Variants in MYOM1 observed in about 807,000 individuals in gnomAD.
MYOM1 encodes myomesin 1.
MYOM1 carries 164 observed loss-of-function variants against 205.3 expected under a neutral mutation model. The ratio of observed to expected loss-of-function variants is 0.80; its 90% confidence interval spans 0.70 to 0.91. MYOM1 has a LOEUF of 0.91. Ranked by LOEUF, MYOM1 falls within the 40% of genes least tolerant of loss-of-function variation. MYOM1 has a pLI of 0.00. For synonymous variants in MYOM1, 772 were observed against 789.4 expected (o/e 0.98, Z 0.37); for missense variants, 2,011 against 2,127.3 (o/e 0.95, Z 1.08).
At chr18:3,071,741 G>A (rs2078960655) in intron 37 of MYOM1, 93 bp downstream of exon 37, 6 of 1,249,946 alleles carry the variant, frequency 4.8e-6, no homozygotes, top group Middle Eastern at 1.9e-4. Context: ...GTGGTGGGCT[G>A]TTAAGTGTGC....
chr18:3,140,793 T>A (rs1180726524), intron 14 of MYOM1, among the ~76,000 whole-genome samples: 1 of 152,166 alleles, frequency 6.6e-6, no homozygotes, highest in Non-Finnish European at 1.5e-5. Context: ...CTGAACACCA[T>A]ATTTTTATAA....
the MYOM1 span, among the ~76,000 whole-genome samples, chr18:3,225,700 C>A: frequency 6.6e-6 from 1 of 152,184 alleles, no homozygotes; most frequent in African/African-American, 2.4e-5. Context: ...TCCAGCTGAG[C>A]CTTAGCCACA....
At chr18:3,213,977 C>A (rs1429572937) in intron 2 of MYOM1, among the ~76,000 whole-genome samples, 3 of 152,120 alleles carry the variant, frequency 2.0e-5, no homozygotes, top group South Asian at 4.1e-4. Flanking sequence ...CTAAAATAAC[C>A]TTTTTTCCTC....
chr18:3,213,602 TG>T (rs138777443), intron 2 of MYOM1, among the ~76,000 whole-genome samples: 3,870 of 152,250 alleles, frequency 0.025, 131 homozygotes, highest in African/African-American at 0.081. Context: ...AACTGCAAAG[TG>T]AACAGGAAAT....
chr18:3,103,882 C>T (rs1004982783), intron 22 of MYOM1, among the ~76,000 whole-genome samples: 1 of 152,176 alleles, frequency 6.6e-6, no homozygotes, highest in Non-Finnish European at 1.5e-5. Context: ...GTGTATGCTT[C>T]AACTATAAAC....
rs1193360658 is a variant in MYOM1, at chr18:3,209,950, G to A, written c.290+4984C>T. Among the ~76,000 whole-genome samples, 4 of 152,268 alleles carry A rather than the reference G, an allele frequency of 2.6e-5. No individual in the cohort carries two copies. Among genetic ancestry groups the A allele is most frequent in the East Asian group, 3.9e-4 (2 of 5,188 alleles). On this transcript the variant is annotated intron_variant, in intron 2 of 37. Transcript: ENST00000356443. The surrounding 1 kb of genome is among the most constrained non-coding windows in gnomAD (Gnocchi z 4.0). ...CCAAGCACCTAGAGCAGTGCTTAGC[G>A]CTCAGTAAATATTTATTGAATGAAT...
chr18:3,086,209 T>A, intron 29 of MYOM1, 58 bp from the exon 30 acceptor site: 1 of 1,052,552 alleles, frequency 9.5e-7, no homozygotes, highest in Non-Finnish European at 1.4e-6. Context: ...CTTGTGAAGT[T>A]GAATAGTTCT....
At chr18:3,138,765 T>C (rs1436877581) in intron 14 of MYOM1, among the ~76,000 whole-genome samples, 3 of 152,316 alleles carry the variant, frequency 2.0e-5, no homozygotes, top group African/African-American at 4.8e-5. Context: ...CTCTCAACTA[T>C]GCCATGGAGT....
At chr18:3,118,386 T>C (rs939884318) in intron 20 of MYOM1, among the ~76,000 whole-genome samples, 2 of 152,074 alleles carry the variant, frequency 1.3e-5, no homozygotes, top group Non-Finnish European at 2.9e-5. Context: ...CTCACTCTTA[T>C]CCAGGCTGGA....
chr18:3,077,977 G>A (rs900772127), intron 34 of MYOM1, among the ~76,000 whole-genome samples: 3 of 152,132 alleles, frequency 2.0e-5, no homozygotes, highest in Non-Finnish European at 2.9e-5. Flanking sequence ...GCTGAAGGGC[G>A]ACGCTCTAAG....
intron 34 of MYOM1, among the ~76,000 whole-genome samples, chr18:3,076,595 A>G (rs1165815516): frequency 6.6e-6 from 1 of 152,190 alleles, no homozygotes; most frequent in Non-Finnish European, 1.5e-5. Context: ...AATGTTTCTT[A>G]TGCCATGATG....
At chr18:3,222,471 AATG>A (rs2081336237), upstream of MYOM1, among the ~76,000 whole-genome samples, 1 of 152,204 alleles carries the variant, frequency 6.6e-6, no homozygotes, top group African/African-American at 2.4e-5. Flanking sequence ...TCAATGAATC[AATG>A]ATAATATTTT....
intron 6 of MYOM1, among the ~76,000 whole-genome samples, chr18:3,175,056 T>C (rs1166361305): frequency 2.0e-5 from 3 of 152,228 alleles, no homozygotes; most frequent in Admixed American, 2.0e-4. Flanking sequence ...ATTTTTTTTC[T>C]TGCTGAAATT....
At chr18:3,111,291 G>A (rs1036321874) in intron 22 of MYOM1, among the ~76,000 whole-genome samples, 14 of 139,412 alleles carry the variant, frequency 1.0e-4, no homozygotes, top group African/African-American at 2.7e-4. Flanking sequence ...ATATGATAAC[G>A]TTGAAAAATA....
the MYOM1 span, among the ~76,000 whole-genome samples, chr18:3,232,737 C>T: frequency 6.6e-6 from 1 of 152,162 alleles, no homozygotes; most frequent in African/African-American, 2.4e-5. Context: ...TATAATTCAC[C>T]TGCAGTTGTG....
At chr18:3,148,538 C>T (rs542222701) in intron 13 of MYOM1, among the ~76,000 whole-genome samples, 1 of 152,056 alleles carries the variant, frequency 6.6e-6, no homozygotes, top group South Asian at 2.1e-4. Context: ...GTGACAAATA[C>T]GTTCATTATT....
At chr18:3,113,979 C>T (rs906423119) in intron 21 of MYOM1, among the ~76,000 whole-genome samples, 4 of 152,068 alleles carry the variant, frequency 2.6e-5, no homozygotes, top group Admixed American at 1.3e-4. Context: ...TAGTAATAGC[C>T]CTCACTGGCA....
At chr18:3,085,465 T>C (rs1444708292) in intron 30 of MYOM1, among the ~76,000 whole-genome samples, 1 of 152,022 alleles carries the variant, frequency 6.6e-6, no homozygotes, top group Admixed American at 6.6e-5. Context: ...CAAAACACTC[T>C]TTGAACAAGC....
chr18:3,092,161 C>A (rs1459178445), intron 26 of MYOM1, among the ~76,000 whole-genome samples: 2 of 151,974 alleles, frequency 1.3e-5, no homozygotes, highest in Admixed American at 1.3e-4. Context: ...TAAATATCTG[C>A]TGAACTAATA....
Sources: allele counts gnomAD v4.1 joint callset (sites outside exome capture counted in the v4.1 genomes callset), GRCh38; gene constraint gnomAD v4.1.1; non-coding constraint Gnocchi (gnomAD v3.1); transcripts MANE v1.5; gene names NCBI Gene and HGNC (gene_info 2026-07-23, HGNC 2026-07-21).